The following BRINP3 variants were observed in gnomAD, a reference collection of about 807,000 sequenced individuals.
BRINP3 encodes the protein BMP/retinoic acid inducible neural specific 3.
In BRINP3, 19 loss-of-function variants were observed where a neutral mutation model predicts 71.0. The ratio of observed to expected loss-of-function variants is 0.27; its 90% CI spans 0.19 to 0.39. The LOEUF (loss-of-function observed/expected upper bound fraction) is 0.39, where lower values mean the gene tolerates loss of function less well. Ranked by LOEUF, BRINP3 falls within the 10% of genes least tolerant of loss-of-function variation. The pLI is 1.00. For synonymous variants in BRINP3, 380 were observed against 337.7 expected (o/e 1.13, Z -1.37); for missense variants, 959 against 940.8 (o/e 1.02, Z -0.25).
At chr1:190,301,654 T>C (rs1664748679) in intron 2 of BRINP3, among the ~76,000 whole-genome samples, 1 of 151,698 alleles carries the variant, frequency 6.6e-6, no homozygotes, top group Non-Finnish European at 1.5e-5. Flanking sequence ...ATTAAAGAAG[T>C]TGTTGAGAAA....
rs570647316 is a variant in BRINP3 at position 190,276,573 on chromosome 1, ACAC to A, written c.427+4984_427+4986del. Among the ~76,000 whole-genome samples, 19 of 151,754 alleles carry A rather than the reference ACAC, an allele frequency of 1.3e-4. No homozygotes were observed. In the South Asian group the frequency reaches 3.7e-3, roughly 30 times the overall value. ...TTAAAAGACACACACACACACACACACACAATATTTTGTAAAACTTTTTAGATA... is the reference window on the plus strand; with the variant it reads ...TTAAAAGACACACACACACACACACAAATATTTTGTAAAACTTTTTAGATA... On this transcript the variant is annotated intron_variant, in intron 3 of 7. Transcript: ENST00000367462.
chr1:190,274,104 C>T (rs1397118285), intron 3 of BRINP3, among the ~76,000 whole-genome samples: 1 of 151,530 alleles, frequency 6.6e-6, no homozygotes, highest in Non-Finnish European at 1.5e-5. Context: ...TTGCTTTTTA[C>T]CCCTACCAGG....
intron 2 of BRINP3, among the ~76,000 whole-genome samples, chr1:190,314,003 G>C (rs1315580854): frequency 6.6e-6 from 1 of 151,996 alleles, no homozygotes; most frequent in Non-Finnish European, 1.5e-5. Context: ...GGCTGAAAGA[G>C]ATGTGAGGAG....
intron 6 of BRINP3, among the ~76,000 whole-genome samples, chr1:190,214,673 C>A (rs2102661909): frequency 6.6e-6 from 1 of 152,044 alleles, no homozygotes; most frequent in Admixed American, 6.6e-5. Context: ...CCATCGTGAT[C>A]ACTTTTGCCT....
At chr1:190,270,527 C>T (rs930632184) in intron 3 of BRINP3, among the ~76,000 whole-genome samples, 6 of 151,594 alleles carry the variant, frequency 4.0e-5, no homozygotes, top group African/African-American at 1.2e-4. Context: ...AATCAATAAA[C>T]TTTATACCTG....
At chr1:190,380,645 A>G (rs1394645647) in intron 2 of BRINP3, among the ~76,000 whole-genome samples, 1 of 152,142 alleles carries the variant, frequency 6.6e-6, no homozygotes. Flanking sequence ...ATGATCAGTA[A>G]AAGTATCCCA....
intron 2 of BRINP3, among the ~76,000 whole-genome samples, chr1:190,436,966 G>A (rs1335018353): frequency 2.6e-5 from 4 of 151,688 alleles, no homozygotes; most frequent in Non-Finnish European, 4.4e-5. Context: ...ATACATAAGC[G>A]ATTACAATAT....
At chr1:190,444,001 G>T (rs1233532986) in intron 2 of BRINP3, among the ~76,000 whole-genome samples, 4 of 152,124 alleles carry the variant, frequency 2.6e-5, no homozygotes, top group African/African-American at 9.7e-5. Flanking sequence ...GGTAGGCTGA[G>T]GGTGGCAGAT....
At chr1:190,209,706 C>T (rs1003677580) in intron 6 of BRINP3, among the ~76,000 whole-genome samples, 5 of 152,096 alleles carry the variant, frequency 3.3e-5, no homozygotes, top group Non-Finnish European at 5.9e-5. Flanking sequence ...AAATATTTCA[C>T]ATAATATATC....
At chr1:190,441,719 T>A (rs550216788) in intron 2 of BRINP3, among the ~76,000 whole-genome samples, 1 of 152,200 alleles carries the variant, frequency 6.6e-6, no homozygotes, top group Non-Finnish European at 1.5e-5. Flanking sequence ...TATTATTATT[T>A]TTAATGAGAT....
intron 6 of BRINP3, among the ~76,000 whole-genome samples, chr1:190,189,149 T>C (rs1653808508): frequency 6.6e-6 from 1 of 152,184 alleles, no homozygotes; most frequent in Non-Finnish European, 1.5e-5. Flanking sequence ...AGGATGATGC[T>C]GGCCTTGTTA....
intron 2 of BRINP3, among the ~76,000 whole-genome samples, chr1:190,430,604 T>C (rs948292989): frequency 6.6e-6 from 1 of 152,186 alleles, no homozygotes; most frequent in Non-Finnish European, 1.5e-5. Flanking sequence ...AGCTAAATTG[T>C]ATAATTAAAA....
chr1:190,254,166 G>A (rs1660425532), intron 4 of BRINP3, among the ~76,000 whole-genome samples: 1 of 152,096 alleles, frequency 6.6e-6, no homozygotes, highest in Non-Finnish European at 1.5e-5. Flanking sequence ...TTTGGTTACT[G>A]TAGACTTGTA....
At chr1:190,309,341 T>A (rs949475642) in intron 2 of BRINP3, among the ~76,000 whole-genome samples, 8 of 151,834 alleles carry the variant, frequency 5.3e-5, no homozygotes, top group Admixed American at 1.3e-4. Flanking sequence ...ATTTTCACAT[T>A]TGAAGGTGAA....
chr1:190,329,528 T>C (rs970812375), intron 2 of BRINP3, among the ~76,000 whole-genome samples: 1 of 151,894 alleles, frequency 6.6e-6, no homozygotes, highest in Non-Finnish European at 1.5e-5. Context: ...AAAGAAATCA[T>C]AGATGACAGA....
rs766071937 is a variant in BRINP3 at position 190,098,300 on chromosome 1, C to T, written c.2019G>A (p.Met673Ile). The change falls in exon 8 of 8, where the codon ATG becomes ATA. Residue 673 changes from methionine (M) to isoleucine (I), a missense_variant. Transcript: ENST00000367462. ...CCCGAATTGCTTCAGGGTCAAAGTG[C>T]ATGCTGTAGCCAAACACTTGAATGT... Reference protein sequence around the residue: ...INNIQVFGYSMHFDPEAIRDL... With the variant: ...INNIQVFGYSIHFDPEAIRDL... The T allele has an allele frequency of 5.0e-6, 8 of 1,614,188 alleles. No homozygotes were observed. The highest frequency in any genetic ancestry group is 1.7e-5 in the Admixed American group (1 of 60,022).
At chr1:190,418,481 A>G (rs1673150330) in intron 2 of BRINP3, among the ~76,000 whole-genome samples, 1 of 152,112 alleles carries the variant, frequency 6.6e-6, no homozygotes, top group Non-Finnish European at 1.5e-5. Context: ...TTTGCTCTTC[A>G]TTCTTGGTAA....
intron 2 of BRINP3, among the ~76,000 whole-genome samples, chr1:190,294,527 T>C (rs879443713): frequency 6.6e-6 from 1 of 152,036 alleles, no homozygotes; most frequent in Non-Finnish European, 1.5e-5. Flanking sequence ...GCTTGGATTA[T>C]AGGGATGAGC....
chr1:190,388,241 C>T (rs1343340550), intron 2 of BRINP3, among the ~76,000 whole-genome samples: 1 of 151,720 alleles, frequency 6.6e-6, no homozygotes, highest in Non-Finnish European at 1.5e-5. Flanking sequence ...TTACTCTATG[C>T]CTGCAGCATC....
Sources: gnomAD v4.1 joint callset for allele counts (sites outside exome capture counted in the v4.1 genomes callset) on GRCh38, gnomAD v4.1.1 for gene constraint, MANE v1.5 for transcripts, NCBI Gene and HGNC (gene_info 2026-07-23, HGNC 2026-07-21) for gene names.